Variants in TMEM232 observed in about 807,000 individuals in gnomAD.
TMEM232 encodes the protein transmembrane protein 232.
In TMEM232, 80 loss-of-function variants were observed where a neutral mutation model predicts 78.8. The ratio of observed to expected loss-of-function variants is 1.01; its 90% CI spans 0.85 to 1.22. TMEM232 has a LOEUF of 1.22. TMEM232 is among the 50% of genes most tolerant of loss of function. TMEM232 has a pLI of 0.00. For synonymous variants in TMEM232, 297 were observed against 254.3 expected (o/e 1.17, Z -1.60); for missense variants, 881 against 742.2 (o/e 1.19, Z -2.17).
At chr5:110,595,591 G>T (rs1257743857) in intron 10 of TMEM232, among the ~76,000 whole-genome samples, 2 of 152,162 alleles carry the variant, frequency 1.3e-5, no homozygotes, top group African/African-American at 2.4e-5. Context: ...ATGACCTGAT[G>T]GAGCTGAAAA....
intron 2 of TMEM232, among the ~76,000 whole-genome samples, chr5:110,733,512 A>G (rs139833928): frequency 0.012 from 1,850 of 152,328 alleles, 47 homozygotes; most frequent in African/African-American, 0.042. Flanking sequence ...ATAAAAAAGA[A>G]CAAGATCATG....
intron 11 of TMEM232, among the ~76,000 whole-genome samples, chr5:110,546,270 A>T (rs1389906129): frequency 6.6e-6 from 1 of 152,138 alleles, no homozygotes; most frequent in East Asian, 1.9e-4. Context: ...AGAGTAGATA[A>T]TTTAGTTAGG....
chr5:110,625,180 T>C (rs1027367684), intron 7 of TMEM232, 87 bp downstream of exon 7: 106 of 1,308,868 alleles, frequency 8.1e-5, no homozygotes, highest in Non-Finnish European at 9.9e-5. Flanking sequence ...CAATGTCTAC[T>C]GTATTGATAA....
At chr5:110,629,041 A>C (rs1784788529) in intron 5 of TMEM232, 1 of 152,094 alleles carries the variant, frequency 6.6e-6, no homozygotes, top group South Asian at 2.1e-4. Context: ...TAACATGTTT[A>C]TAAGGCAACA....
At chr5:110,463,530 A>G (rs1761756841) in intron 12 of TMEM232, among the ~76,000 whole-genome samples, 1 of 152,196 alleles carries the variant, frequency 6.6e-6, no homozygotes, top group Non-Finnish European at 1.5e-5. Context: ...GATGTTTATT[A>G]GATATTCTAA....
At chr5:110,730,366 T>G (rs1798561277), upstream of TMEM232, among the ~76,000 whole-genome samples, 1 of 152,242 alleles carries the variant, frequency 6.6e-6, no homozygotes, top group Non-Finnish European at 1.5e-5. Context: ...ATTTTGTAAT[T>G]TAACAACTTT....
At chr5:110,499,625 A>ACCCCCCT (rs1242778747) in intron 12 of TMEM232, among the ~76,000 whole-genome samples, 1 of 121,812 alleles carries the variant, frequency 8.2e-6, no homozygotes, top group African/African-American at 5.8e-5. Flanking sequence ...ATATATGTAT[A>ACCCCCCT]CACCCCCCCC....
chr5:110,564,685 T>C (rs897132450), intron 11 of TMEM232, among the ~76,000 whole-genome samples: 1 of 151,888 alleles, frequency 6.6e-6, no homozygotes, highest in Non-Finnish European at 1.5e-5. Context: ...TACTCATAAA[T>C]GTCTCCAAAA....
chr5:110,528,560 C>G, intron 12 of TMEM232, 28 bp downstream of exon 12: 1 of 1,499,334 alleles, frequency 6.7e-7, no homozygotes, highest in Non-Finnish European at 8.8e-7. Context: ...TGTATTAGAA[C>G]AATAAAACCG....
At chr5:110,459,992 GAAAC>G (rs1183822603) in intron 12 of TMEM232, among the ~76,000 whole-genome samples, 1 of 152,084 alleles carries the variant, frequency 6.6e-6, no homozygotes, top group Non-Finnish European at 1.5e-5. Flanking sequence ...GAAAGGTTGA[GAAAC>G]AAGTCCAAAC....
chr5:110,445,488 G>C (rs1293509769), intron 12 of TMEM232, among the ~76,000 whole-genome samples: 2 of 152,018 alleles, frequency 1.3e-5, no homozygotes, highest in Non-Finnish European at 2.9e-5. Context: ...TGGAGTCTAT[G>C]GGTTTCTGGG....
At chr5:110,479,998 G>A (rs940452801) in intron 12 of TMEM232, among the ~76,000 whole-genome samples, 2 of 151,692 alleles carry the variant, frequency 1.3e-5, no homozygotes, top group Non-Finnish European at 3.0e-5. Context: ...AATATGTTCA[G>A]TTGATGGTAT....
chr5:110,584,842 ATAAT>A (rs1481306572), intron 10 of TMEM232, among the ~76,000 whole-genome samples: 3 of 152,122 alleles, frequency 2.0e-5, no homozygotes, highest in Non-Finnish European at 4.4e-5. Flanking sequence ...ATATATCACC[ATAAT>A]TAATTAAGAT....
At chr5:110,652,000 T>C (rs1003383244) in intron 2 of TMEM232, among the ~76,000 whole-genome samples, 11 of 152,130 alleles carry the variant, frequency 7.2e-5, no homozygotes, top group African/African-American at 2.4e-4. Flanking sequence ...GCTTTATATA[T>C]ACTGCTTGAA....
At chr5:110,539,907 T>A (rs1347186346) in intron 11 of TMEM232, among the ~76,000 whole-genome samples, 2 of 152,174 alleles carry the variant, frequency 1.3e-5, no homozygotes, top group Non-Finnish European at 2.9e-5. Flanking sequence ...ATATGTGGTT[T>A]GGGACCTCCC....
intron 10 of TMEM232, among the ~76,000 whole-genome samples, chr5:110,581,369 T>TA (rs1490008128): frequency 1.3e-5 from 2 of 151,866 alleles, no homozygotes; most frequent in Non-Finnish European, 1.5e-5. Context: ...GCCACATACT[T>TA]ACAACCATCT....
chr5:110,420,706 G>A lies in TMEM232; in HGVS notation c.1848C>T (p.Ala616=), dbSNP rs767363937. Reference sequence around the variant, plus strand: ...CTAACTTTTTATCTTTAAGTTCTTGGGCCTTGCATATTGCATCTTCTTTTT... The same window carrying A: ...CTAACTTTTTATCTTTAAGTTCTTGAGCCTTGCATATTGCATCTTCTTTTT... ...IREKEDAICK[A]QELKDKKLAE... Residue 616 remains alanine (A), a synonymous_variant, in exon 14 of 14, where the codon GCC becomes GCT. Transcript: ENST00000455884. 19 of 1,524,154 alleles carry A rather than the reference G, an allele frequency of 1.2e-5. No individual in the cohort carries two copies. The Middle Eastern group carries it at 1.5e-3, about 121-fold the overall frequency. 94.4% of individuals were successfully genotyped at this position (1,524,154 alleles called of 1,614,324 possible).
intron 11 of TMEM232, among the ~76,000 whole-genome samples, chr5:110,540,327 G>C (rs1388141559): frequency 6.6e-6 from 1 of 152,170 alleles, no homozygotes; most frequent in Non-Finnish European, 1.5e-5. Flanking sequence ...GTCACCCTAG[G>C]TCAACTACCA....
chr5:110,662,892 T>A (rs1417098921), intron 2 of TMEM232, among the ~76,000 whole-genome samples: 1 of 152,062 alleles, frequency 6.6e-6, no homozygotes, highest in Non-Finnish European at 1.5e-5. Flanking sequence ...TACAAGACTA[T>A]CTACACGATC....
Sources: allele counts gnomAD v4.1 joint callset (sites outside exome capture counted in the v4.1 genomes callset), GRCh38; gene constraint gnomAD v4.1.1; transcripts MANE v1.5; gene names NCBI Gene and HGNC (gene_info 2026-07-23, HGNC 2026-07-21).